RAF1: variants seen among roughly 807,000 people sequenced by gnomAD.
RAF1 encodes Raf-1 proto-oncogene, serine/threonine kinase, also known as RAF proto-oncogene serine/threonine-protein kinase.
In RAF1, 27 loss-of-function variants were observed where a neutral mutation model predicts 81.1. The observed-to-expected ratio is 0.33, with a 90% CI of 0.25 to 0.46. RAF1 has a LOEUF of 0.46. Among genes scored for constraint, RAF1 ranks in the 20% least tolerant of loss-of-function variants. RAF1 has a pLI of 1.00. For missense variants in RAF1, 598 were observed against 826.0 expected (o/e 0.72, Z 3.38); for synonymous variants, 298 against 294.0 (o/e 1.01, Z -0.14).
intron 8 of RAF1, chr3:12,603,421 C>T: frequency 1.6e-6 from 1 of 638,160 alleles, no homozygotes; most frequent in Non-Finnish European, 2.9e-6. Context: ...TGCTGTCTGA[C>T]AGTTTTAGCA....
chr3:12,640,314 A>T (rs2125528793), intron 1 of RAF1, among the ~76,000 whole-genome samples: 1 of 152,316 alleles, frequency 6.6e-6, no homozygotes, highest in Middle Eastern at 3.4e-3. Flanking sequence ...ATGGGCAAGG[A>T]CTTCATGACT....
At chr3:12,634,023 C>T (rs939495143) in intron 1 of RAF1, among the ~76,000 whole-genome samples, 3 of 151,894 alleles carry the variant, frequency 2.0e-5, no homozygotes, top group Admixed American at 1.3e-4. Flanking sequence ...AGCAAAGCCT[C>T]CTAGATTCTG....
chr3:12,633,212 C>A (rs1489097285), intron 1 of RAF1, among the ~76,000 whole-genome samples: 1 of 151,864 alleles, frequency 6.6e-6, no homozygotes, highest in Non-Finnish European at 1.5e-5. Context: ...AGAAAAAAAC[C>A]CACAATGGCC....
In RAF1 at chr3:12,585,712, A is replaced by C. The variant is rs2125325738; in HGVS notation, c.1565T>G (p.Val522Gly). 1 of 1,614,116 alleles carries C rather than the reference A, an allele frequency of 6.2e-7. No individual in the cohort carries two copies. The highest frequency in any genetic ancestry group is 8.5e-7 in the Non-Finnish European group (1 of 1,179,958). ...GAGGACAGAGCCAGTAGGTTGTTCAACCTGCTGAGAACCACTCCAGCGTGA... is the reference window on the plus strand; with the variant it reads ...GAGGACAGAGCCAGTAGGTTGTTCACCCTGCTGAGAACCACTCCAGCGTGA... The change falls in exon 15 of 18, where the codon GTT (valine) becomes GGT (glycine). Residue 522 changes from valine to glycine, a missense_variant. Transcript: ENST00000442415.
chr3:12,635,251 G>A (rs1045705076), intron 1 of RAF1, among the ~76,000 whole-genome samples: 3 of 142,710 alleles, frequency 2.1e-5, no homozygotes, highest in East Asian at 2.2e-4. Context: ...ACCGGGAGGC[G>A]GAGGTTGCAG....
At chr3:12,606,654 CCCA>C (rs1356340805) in intron 5 of RAF1, among the ~76,000 whole-genome samples, 2 of 152,034 alleles carry the variant, frequency 1.3e-5, no homozygotes, top group Non-Finnish European at 2.9e-5. Context: ...GCCTCAGCCT[CCCA>C]AGTAGCTGGG....
intron 12 of RAF1, among the ~76,000 whole-genome samples, 181 bp from the exon 12 acceptor site, chr3:12,591,155 G>A (rs1303944951): frequency 2.6e-5 from 4 of 152,040 alleles, no homozygotes; most frequent in Non-Finnish European, 5.9e-5. Context: ...TGAGCAAAGA[G>A]AAGCCCACCA....
At chr3:12,657,833 A>T (rs1289084922) in intron 1 of RAF1, among the ~76,000 whole-genome samples, 1 of 151,734 alleles carries the variant, frequency 6.6e-6, no homozygotes, top group East Asian at 1.9e-4. Flanking sequence ...CCATCTCCAT[A>T]ATTGTAGAAC....
At position 12,664,115 on chromosome 3, in the gene RAF1, A is replaced by G. The variant is rs2060975352; in HGVS notation, c.-329T>C. On this transcript the variant is annotated 5_prime_UTR_variant, in exon 1 of 18. Transcript: ENST00000442415. ...TAAGATGGCGGCCCAAGCGCCCGCG[A>G]TTAAGACTCTCGGGCGGCCCAGACG... is the stretch of plus-strand genomic sequence containing the variant. The G allele has an allele frequency of 2.5e-6, 1 of 398,184 alleles. No individual in the cohort carries two copies. Among genetic ancestry groups the G allele is most frequent in the Non-Finnish European group, 4.4e-6 (1 of 225,802 alleles). The allele number at this position is 398,184 out of a possible 1,614,324, so 24.7% of individuals were successfully genotyped here.
intron 15 of RAF1, 91 bp from the exon 15 acceptor site, chr3:12,585,344 TATG>T (rs1180388486): frequency 1.3e-6 from 2 of 1,586,210 alleles, no homozygotes; most frequent in African/African-American, 2.7e-5. Context: ...TTTCATTAGT[TATG>T]AATGAGTCCA....
At chr3:12,639,369 C>T (rs1388152734) in intron 1 of RAF1, among the ~76,000 whole-genome samples, 1 of 152,044 alleles carries the variant, frequency 6.6e-6, no homozygotes, top group East Asian at 1.9e-4. Context: ...AAGTTCTGGC[C>T]AGAGCAATCA....
In RAF1 at chr3:12,651,495, G is replaced by A. The variant is rs570659176; in HGVS notation, c.-27+12318C>T. ...CTAATACAAAAAAAATTAGCCAGGCGTGGTGGCTCATGCCCATAGTCCCAG... is the reference window on the plus strand; with the variant it reads ...CTAATACAAAAAAAATTAGCCAGGCATGGTGGCTCATGCCCATAGTCCCAG... On this transcript the variant is annotated intron_variant, in intron 1 of 17. Transcript: ENST00000442415. 1.1e-4 allele frequency among the ~76,000 whole-genome samples: 17 copies of A among 151,946 alleles called. 2 individuals are homozygous for A. In the South Asian group the frequency reaches 3.1e-3, roughly 28 times the overall value.
At chr3:12,620,325 G>C (rs1020825167) in intron 1 of RAF1, among the ~76,000 whole-genome samples, 2 of 152,034 alleles carry the variant, frequency 1.3e-5, no homozygotes, top group Admixed American at 6.5e-5. Context: ...AGTAGAGATG[G>C]GGTTGGCCAT....
chr3:12,628,754 G>C (rs1167784894), intron 1 of RAF1, among the ~76,000 whole-genome samples: 2 of 89,942 alleles, frequency 2.2e-5, no homozygotes, highest in Non-Finnish European at 4.4e-5. Flanking sequence ...CTATTTTTGG[G>C]GGGGGGGGGT....
At position 12,618,698 on chromosome 3, in the gene RAF1, C is replaced by G; in HGVS notation, c.24G>C (p.Trp8Cys). 6.2e-7 allele frequency: 1 copy of G among 1,614,138 alleles called. No homozygotes were observed. Among genetic ancestry groups the G allele is most frequent in the Non-Finnish European group, 8.5e-7 (1 of 1,180,026 alleles). Residue 8 changes from tryptophan (W) to cysteine (C), a missense_variant, in exon 2 of 18, where the codon TGG (tryptophan) becomes TGC (cysteine). Physicochemically the swap from Trp to Cys is radical, Grantham distance 215. Around this residue, in one of 5 missense-constraint regions of RAF1, gnomAD observed 83 missense variants for 72.3 expected, o/e 1.15. Coordinates refer to ENST00000442415, the MANE Select transcript of RAF1 (RefSeq NM_001354689.3). ...ATCCAAAACCATTGCTGATCGTCTT[C>G]CAAGCTCCCTGTATGTGCTCCATTG... is the stretch of plus-strand genomic sequence containing the variant.
intron 11 of RAF1, among the ~76,000 whole-genome samples, chr3:12,598,010 CTT>C (rs138096604): frequency 9.3e-5 from 6 of 64,328 alleles, no homozygotes; most frequent in Admixed American, 2.8e-4. Context: ...TTTTCTTTTC[CTT>C]TTTTTTTTTT....
At position 12,616,028 on chromosome 3, in the gene RAF1, G is replaced by A. The variant is rs528392622; in HGVS notation, c.207+2487C>T. On this transcript the variant is annotated intron_variant, in intron 2 of 17. Transcript: ENST00000442415. ...GATTGGGCCACTGCACTCCAGCCTG[G>A]GTGACAGTGAGAGCCTCCATCTAAA... Among the ~76,000 whole-genome samples the A allele has an allele frequency of 3.9e-4, 59 of 151,976 alleles. 1 individual carries two copies. Among genetic ancestry groups the A allele is most frequent in the African/African-American group, 8.2e-4 (34 of 41,420 alleles).
Position 12,584,565 on chromosome 3 carries a change from C to T in RAF1, c.1956G>A (p.Glu652=), listed in dbSNP as rs1160576234. ...TGGTCAGCGTGCAAGCATTGATATC[C>T]TCAGTGTGGGCTGCCCGATGCAAGG... is the stretch of plus-strand genomic sequence containing the variant. Residue 652 remains glutamate (E), a synonymous_variant, in exon 18 of 18, where the codon GAG becomes GAA. Transcript: ENST00000442415. 1.9e-6 allele frequency: 3 copies of T among 1,614,050 alleles called. No individual in the cohort carries two copies. Among genetic ancestry groups the T allele is most frequent in the East Asian group, 2.2e-5 (1 of 44,892 alleles).
intron 11 of RAF1, among the ~76,000 whole-genome samples, chr3:12,592,583 G>C (rs1367703352): frequency 6.6e-6 from 1 of 151,988 alleles, no homozygotes; most frequent in African/African-American, 2.4e-5. Context: ...GCTGCAGCCA[G>C]GATCAAAACC....
Sources: gnomAD v4.1 joint callset for allele counts (sites outside exome capture counted in the v4.1 genomes callset) on GRCh38, gnomAD v4.1.1 for gene constraint, gnomAD v4.1.1 regional missense constraint, MANE v1.5 for transcripts, NCBI Gene and HGNC (gene_info 2026-07-23, HGNC 2026-07-21) for gene names.